The following OGFRL1 variants were observed in gnomAD, a reference collection of about 807,000 sequenced individuals.
OGFRL1 encodes the protein opioid growth factor receptor-like protein 1.
OGFRL1 carries 26 observed loss-of-function variants against 32.4 expected under a neutral mutation model. That is an observed-to-expected ratio of 0.80 (90% CI 0.59 to 1.11). The LOEUF is 1.11. OGFRL1 is among the 50% of genes most tolerant of loss of function. OGFRL1 has a pLI of 0.00. For missense variants in OGFRL1, 521 were observed against 546.4 expected (o/e 0.95, Z 0.46); for synonymous variants, 211 against 201.2 (o/e 1.05, Z -0.41).
Position 71,301,441 on chromosome 6 carries a change from G to C in OGFRL1, c.748G>C (p.Gly250Arg). ...TRILKSLGELGYESFKSPLVK... is the reference protein window; with the variant it reads ...TRILKSLGELRYESFKSPLVK... ...TATTCTTAAAAGCCTTGGTGAGCTTGGATATGAAAGTTTTAAATCTCCTCT... is the reference window on the plus strand; with the variant it reads ...TATTCTTAAAAGCCTTGGTGAGCTTCGATATGAAAGTTTTAAATCTCCTCT... The change falls in exon 7 of 7, where the codon GGA becomes CGA. Residue 250 changes from glycine (G) to arginine (R), a missense_variant. Gly to Arg is a moderately radical substitution (Grantham distance 125, BLOSUM62 -2). Transcript: ENST00000370435. 6.2e-7 allele frequency: 1 copy of C among 1,610,216 alleles called. No homozygotes were observed. Among genetic ancestry groups the C allele is most frequent in the Non-Finnish European group, 8.5e-7 (1 of 1,179,032 alleles).
At chr6:71,289,548 T>TAAAA (rs1158690810) in intron 1 of OGFRL1, 6,905 of 534,156 alleles carry the variant, frequency 0.013, 87 homozygotes, top group African/African-American at 0.036. Context: ...GTGTTATTGG[T>TAAAA]AAAAAAAAAA....
chr6:71,305,485 C>T lies in OGFRL1; in HGVS notation c.*3436C>T, dbSNP rs1323447401. 3 of 151,922 alleles carry T rather than the reference C, an allele frequency of 2.0e-5. No individual in the cohort carries two copies. Among genetic ancestry groups the T allele is most frequent in the African/African-American group, 7.2e-5 (3 of 41,404 alleles). The allele number at this position is 151,922 out of a possible 1,614,324, so 9.4% of individuals were successfully genotyped here. A position where few individuals can be genotyped will look rare whatever the true frequency, so the allele number is the denominator to read the frequency against. On this transcript the variant is annotated 3_prime_UTR_variant, in exon 7 of 7. Coordinates refer to ENST00000370435, the MANE Select transcript of OGFRL1 (RefSeq NM_024576.5). ...TCTAAATCAAGCCTAGTTGTCAACT[C>T]AAAAATTATGTTGCATAGTTTTATT...
At chr6:71,290,267 A>T (rs1489501276) in intron 1 of OGFRL1, among the ~76,000 whole-genome samples, 2 of 152,162 alleles carry the variant, frequency 1.3e-5, no homozygotes, top group Non-Finnish European at 2.9e-5. Context: ...TGCAAACCCA[A>T]GTCTATCTAT....
rs541556627 is a variant in OGFRL1 at position 71,289,093 on chromosome 6, C to T, written c.157C>T (p.Pro53Ser). Residue 53 changes from proline (P) to serine (S), a missense_variant, in exon 1 of 7, where the codon CCC becomes TCC. Coordinates refer to ENST00000370435, the MANE Select transcript of OGFRL1 (RefSeq NM_024576.5). Reference protein sequence around the residue: ...PGQESEQPAQPPEQAGGRPGA... With the variant: ...PGQESEQPAQSPEQAGGRPGA... ...GCAGGAGTCCGAGCAGCCCGCGCAG[C>T]CCCCGGAGCAAGCCGGCGGGCGGCC... 1.2e-4 allele frequency: 134 copies of T among 1,122,684 alleles called. No homozygotes were observed. The African/African-American group carries it at 2.0e-3, about 17-fold the overall frequency. 69.5% of individuals were successfully genotyped at this position (1,122,684 alleles called of 1,614,324 possible). A position where few individuals can be genotyped will look rare whatever the true frequency, so the allele number is the denominator to read the frequency against.
chr6:71,290,058 C>T (rs565803013), intron 1 of OGFRL1, among the ~76,000 whole-genome samples: 4 of 152,218 alleles, frequency 2.6e-5, no homozygotes, highest in Admixed American at 6.5e-5. Flanking sequence ...CAGCTAACAC[C>T]GCCTCAGCCA....
At position 71,307,850 on chromosome 6, in the gene OGFRL1, T is replaced by A. The variant is rs982744681; in HGVS notation, c.*5801T>A. The stretch of plus-strand genomic sequence containing the variant: ...ATAAAATACAAATGAAATAAAAGTC[T>A]AGAAACAGCAACAGGAAACTCACCA... On this transcript the variant is annotated 3_prime_UTR_variant, in exon 7 of 7. Transcript: ENST00000370435. 36 of 152,246 alleles carry A rather than the reference T, an allele frequency of 2.4e-4. No homozygotes were observed. Among genetic ancestry groups the A allele is most frequent in the African/African-American group, 8.4e-4 (35 of 41,470 alleles). 9.4% of individuals were successfully genotyped at this position (152,246 alleles called of 1,614,324 possible).
intron 3 of OGFRL1, among the ~76,000 whole-genome samples, chr6:71,294,209 C>T (rs748772141): frequency 6.6e-6 from 1 of 152,072 alleles, no homozygotes; most frequent in African/African-American, 2.4e-5. Flanking sequence ...GGATATTTTC[C>T]AAACCCATAG....
chr6:71,301,393 C>A lies in OGFRL1; in HGVS notation c.700C>A (p.His234Asn). 6.4e-7 allele frequency: 1 copy of A among 1,573,844 alleles called. No individual in the cohort carries two copies. The highest frequency in any genetic ancestry group is 8.6e-7 in the Non-Finnish European group (1 of 1,162,496). ...ERFQHLNESQ[H>N]NYLRITRILK... The stretch of plus-strand genomic sequence containing the variant: ...TTCAATCCTCTCTTCCAGGTCCCAG[C>A]ACAACTATTTAAGAATCACTCGTAT... The change falls in exon 7 of 7, where the codon CAC becomes AAC. Residue 234 changes from histidine to asparagine, a missense_variant. Coordinates refer to ENST00000370435, the MANE Select transcript of OGFRL1 (RefSeq NM_024576.5).
rs1417893064 is a variant in OGFRL1 at position 71,304,972 on chromosome 6, T to C, written c.*2923T>C. ...TTAAATAAGATCTATAGATATGTAT[T>C]TATGTGTGTCTTATATATGAAACAG... On this transcript the variant is annotated 3_prime_UTR_variant, in exon 7 of 7. Transcript: ENST00000370435. 1 of 152,032 alleles carries C rather than the reference T, an allele frequency of 6.6e-6. No individual in the cohort carries two copies. Among genetic ancestry groups the C allele is most frequent in the African/African-American group, 2.4e-5 (1 of 41,434 alleles). 9.4% of individuals were successfully genotyped at this position (152,032 alleles called of 1,614,324 possible). A position where few individuals can be genotyped will look rare whatever the true frequency, so the allele number is the denominator to read the frequency against.
rs1362565294 is a variant in OGFRL1, at chr6:71,289,123, G to C, written c.187G>C (p.Ala63Pro). Residue 63 changes from alanine (A) to proline (P), a missense_variant, in exon 1 of 7, where the codon GCC becomes CCC. Transcript: ENST00000370435. Reference sequence around the variant, plus strand: ...GGAGCAAGCCGGCGGGCGGCCCGGCGCCAGCCCCGCGCCGGACGAGGACGC... The same window carrying C: ...GGAGCAAGCCGGCGGGCGGCCCGGCCCCAGCCCCGCGCCGGACGAGGACGC... ...PPEQAGGRPG[A>P]SPAPDEDAEA... 1.8e-6 allele frequency: 2 copies of C among 1,107,786 alleles called. No individual in the cohort carries two copies. The highest frequency in any genetic ancestry group is 2.2e-6 in the Non-Finnish European group (2 of 910,414). 68.6% of individuals were successfully genotyped at this position (1,107,786 alleles called of 1,614,324 possible). A position where few individuals can be genotyped will look rare whatever the true frequency, so the allele number is the denominator to read the frequency against.
chr6:71,301,785 A>C lies in OGFRL1; in HGVS notation c.1092A>C (p.Glu364Asp). ...TTCATTTAAATAGCAAAACAGCTGA[A>C]GACAAAAAAGTGGCACCAAAAGAGC... ...SAVHLNSKTA[E>D]DKKVAPKEPV... The change falls in exon 7 of 7, where the codon GAA (glutamate) becomes GAC (aspartate). Residue 364 changes from glutamate (E) to aspartate (D), a missense_variant. Physicochemically the swap from Glu to Asp is conservative, Grantham distance 45. Coordinates refer to ENST00000370435, the MANE Select transcript of OGFRL1 (RefSeq NM_024576.5). 6.2e-7 allele frequency: 1 copy of C among 1,613,922 alleles called. No individual in the cohort carries two copies. Among genetic ancestry groups the C allele is most frequent in the Non-Finnish European group, 8.5e-7 (1 of 1,180,002 alleles).
rs950221117 is a variant in OGFRL1 at position 71,304,087 on chromosome 6, C to T, written c.*2038C>T. The T allele has an allele frequency of 1.3e-5, 2 of 152,080 alleles. No individual in the cohort carries two copies. The highest frequency in any genetic ancestry group is 2.9e-5 in the Non-Finnish European group (2 of 67,988). The allele number at this position is 152,080 out of a possible 1,614,324, so 9.4% of individuals were successfully genotyped here. On this transcript the variant is annotated 3_prime_UTR_variant, in exon 7 of 7. Coordinates refer to ENST00000370435, the MANE Select transcript of OGFRL1 (RefSeq NM_024576.5). The stretch of plus-strand genomic sequence containing the variant: ...TGAAAAGAATCACACTTATAGTATG[C>T]CTCTAGAAATATGATTTTACTGCTT...
Position 71,302,130 on chromosome 6 carries a change from G to T in OGFRL1, c.*81G>T. The stretch of plus-strand genomic sequence containing the variant: ...ATTTATCCTAAAGAACAGAGATGAG[G>T]TCAATTTCAAATTTTAGCCATCTGT... On this transcript the variant is annotated 3_prime_UTR_variant, in exon 7 of 7. Coordinates refer to ENST00000370435, the MANE Select transcript of OGFRL1 (RefSeq NM_024576.5). 2 of 1,226,176 alleles carry T rather than the reference G, an allele frequency of 1.6e-6. No homozygotes were observed. Among genetic ancestry groups the T allele is most frequent in the Non-Finnish European group, 2.2e-6 (2 of 925,874 alleles). 76.0% of individuals were successfully genotyped at this position (1,226,176 alleles called of 1,614,324 possible). A position where few individuals can be genotyped will look rare whatever the true frequency, so the allele number is the denominator to read the frequency against.
rs774774587 is a variant in OGFRL1 at position 71,302,966 on chromosome 6, T to A, written c.*917T>A. The A allele has an allele frequency of 2.0e-5, 3 of 152,212 alleles. No homozygotes were observed. 9.4% of individuals were successfully genotyped at this position (152,212 alleles called of 1,614,324 possible). A position where few individuals can be genotyped will look rare whatever the true frequency, so the allele number is the denominator to read the frequency against. On this transcript the variant is annotated 3_prime_UTR_variant, in exon 7 of 7. Coordinates refer to ENST00000370435, the MANE Select transcript of OGFRL1 (RefSeq NM_024576.5). Reference sequence around the variant, plus strand: ...CTCACCTCCTTGCCTCTTTCCATGCTTACCCTTAAGCCACCATCTTTCTCA... The same window carrying A: ...CTCACCTCCTTGCCTCTTTCCATGCATACCCTTAAGCCACCATCTTTCTCA...
At position 71,302,414 on chromosome 6, in the gene OGFRL1, A is replaced by C. The variant is rs1438264064; in HGVS notation, c.*365A>C. 1 of 157,688 alleles carries C rather than the reference A, an allele frequency of 6.3e-6. No individual in the cohort carries two copies. The highest frequency in any genetic ancestry group is 6.5e-5 in the Admixed American group (1 of 15,460). 9.8% of individuals were successfully genotyped at this position (157,688 alleles called of 1,614,324 possible). ...TATAGTCTACATGAAGGAAATCAAG[A>C]GGATAATTTCATTGGATTGCTACAC... On this transcript the variant is annotated 3_prime_UTR_variant, in exon 7 of 7. Coordinates refer to ENST00000370435, the MANE Select transcript of OGFRL1 (RefSeq NM_024576.5).
Position 71,301,850 on chromosome 6 carries a change from A to G in OGFRL1, c.1157A>G (p.Asn386Ser), listed in dbSNP as rs1561951905. The G allele has an allele frequency of 6.2e-7, 1 of 1,612,996 alleles. No homozygotes were observed. The highest frequency in any genetic ancestry group is 2.2e-5 in the East Asian group (1 of 44,884). ...GACAGGCCCAGCCCAGAGCCCAGCA[A>G]TGAAGCTGCCAAGCCAAGAAATACA... is the stretch of plus-strand genomic sequence containing the variant. ...ETDRPSPEPS[N>S]EAAKPRNTEK... The change falls in exon 7 of 7, where the codon AAT becomes AGT. Residue 386 changes from asparagine to serine, a missense_variant. By Grantham distance (46) the Asn-to-Ser change is conservative (BLOSUM62 1). Transcript: ENST00000370435.
chr6:71,291,580 CT>C (rs1766053234), intron 1 of OGFRL1: 1 of 152,058 alleles, frequency 6.6e-6, no homozygotes, highest in South Asian at 2.1e-4. Context: ...CAACAGAATC[CT>C]TGTCTGAGCA....
intron 3 of OGFRL1, among the ~76,000 whole-genome samples, chr6:71,294,899 A>G (rs937902036): frequency 6.6e-6 from 1 of 152,142 alleles, no homozygotes; most frequent in African/African-American, 2.4e-5. Flanking sequence ...TTAAACATAA[A>G]GCTATGATAG....
intron 1 of OGFRL1, among the ~76,000 whole-genome samples, chr6:71,291,083 T>C (rs1039003533): frequency 5.9e-5 from 9 of 152,018 alleles, no homozygotes; most frequent in African/African-American, 2.2e-4. Flanking sequence ...TTAGAGGGTA[T>C]GAAGAGGAGG....
Sources: allele counts gnomAD v4.1 joint callset (sites outside exome capture counted in the v4.1 genomes callset), GRCh38; gene constraint gnomAD v4.1.1; transcripts MANE v1.5; gene names NCBI Gene and HGNC (gene_info 2026-07-23, HGNC 2026-07-21).